Variants in MARCHF6 observed in about 807,000 individuals in gnomAD.
The protein encoded by MARCHF6 is membrane associated ring-CH-type finger 6.
MARCHF6 carries 31 observed loss-of-function variants against 133.7 expected under a neutral mutation model. The ratio of observed to expected loss-of-function variants is 0.23; its 90% CI spans 0.17 to 0.31. MARCHF6 has a LOEUF of 0.31. Ranked by LOEUF, MARCHF6 falls within the 10% of genes least tolerant of loss-of-function variation. The pLI is 1.00. For missense variants in MARCHF6, 723 were observed against 1,121.6 expected, an observed-to-expected ratio of 0.64 and a Z score of 5.08; for synonymous variants, 395 against 402.5, an observed-to-expected ratio of 0.98 and a Z score of 0.22.
At chr5:10,368,222 T>A (rs546960638) in intron 1 of MARCHF6, among the ~76,000 whole-genome samples, 1 of 152,338 alleles carries the variant, frequency 6.6e-6, no homozygotes, top group African/African-American at 2.4e-5. Context: ...TTTGTAATAG[T>A]CGTACTTGCT....
Position 10,437,846 on chromosome 5 carries a change from TGTA to T in MARCHF6, c.*4165_*4167del, listed in dbSNP as rs1740711368. On this transcript the variant is annotated 3_prime_UTR_variant, in exon 26 of 26. Transcript: ENST00000274140. ...AAAACTGAATAAAGTGAATGTTAAT[TGTA>T]GTCTAGTTTTTTTGTTTGTTTTTGT... 1 of 152,350 alleles carries T rather than the reference TGTA, an allele frequency of 6.6e-6. No homozygotes were observed. The highest frequency in any genetic ancestry group is 1.5e-5 in the Non-Finnish European group (1 of 68,030). The allele number at this position is 152,350 out of a possible 1,614,324, so 9.4% of individuals were successfully genotyped here. A position where few individuals can be genotyped will look rare whatever the true frequency, so the allele number is the denominator to read the frequency against.
At chr5:10,360,140 G>A (rs944016678) in intron 1 of MARCHF6, among the ~76,000 whole-genome samples, 2 of 108,736 alleles carry the variant, frequency 1.8e-5, no homozygotes, top group African/African-American at 6.6e-5. Context: ...TTGTATGTGT[G>A]TGTGTTTTTT....
rs906315465 is a variant in MARCHF6, at chr5:10,440,378, C to G, written c.*6694C>G. 3 of 152,118 alleles carry G rather than the reference C, an allele frequency of 2.0e-5. No homozygotes were observed. The highest frequency in any genetic ancestry group is 4.4e-5 in the Non-Finnish European group (3 of 68,028). 9.4% of individuals were successfully genotyped at this position (152,118 alleles called of 1,614,324 possible). On this transcript the variant is annotated 3_prime_UTR_variant, in exon 26 of 26. Transcript: ENST00000274140. The stretch of plus-strand genomic sequence containing the variant: ...GAATCATTTATCACAATAAAGGTGT[C>G]ATACTATGCAGATTGTTTGACAAGA...
In MARCHF6 at chr5:10,438,473, G is replaced by C. The variant is rs573766849; in HGVS notation, c.*4789G>C. On this transcript the variant is annotated 3_prime_UTR_variant, in exon 26 of 26. Coordinates refer to ENST00000274140, the MANE Select transcript of MARCHF6 (RefSeq NM_005885.4). ...GTGAAGCTGAAATTTTTCAGCAAAGGAAATTGCATGGTCAAGTTCAGAAAC... is the reference window on the plus strand; with the variant it reads ...GTGAAGCTGAAATTTTTCAGCAAAGCAAATTGCATGGTCAAGTTCAGAAAC... The C allele has an allele frequency of 1.4e-4, 21 of 152,192 alleles. No individual in the cohort carries two copies. Among genetic ancestry groups the C allele is most frequent in the African/African-American group, 5.1e-4 (21 of 41,528 alleles). The allele number at this position is 152,192 out of a possible 1,614,324, so 9.4% of individuals were successfully genotyped here.
At chr5:10,385,417 A>G (rs1737405979) in intron 4 of MARCHF6, among the ~76,000 whole-genome samples, 1 of 152,178 alleles carries the variant, frequency 6.6e-6, no homozygotes, top group African/African-American at 2.4e-5. Flanking sequence ...AATTTCAAAC[A>G]AAGGCAGGAA....
At chr5:10,417,186 G>C in intron 21 of MARCHF6, 84 bp from the exon 22 acceptor site, 1 of 1,477,572 alleles carries the variant, frequency 6.8e-7, no homozygotes, top group African/African-American at 1.4e-5. Context: ...GCTCTGTTAG[G>C]CATCAGTCTC....
chr5:10,394,057 C>G, intron 7 of MARCHF6, 25 bp from the exon 8 acceptor site: 1 of 1,387,934 alleles, frequency 7.2e-7, no homozygotes. Flanking sequence ...TTCAAGTAAT[C>G]TTTAAATTGC....
intron 18 of MARCHF6, 77 bp downstream of exon 18, chr5:10,410,353 T>TC (rs1739147965): frequency 1.3e-6 from 2 of 1,496,750 alleles, no homozygotes; most frequent in Non-Finnish European, 1.8e-6. Context: ...AAAAGTATGT[T>TC]CCATGGCCCA....
At position 10,411,491 on chromosome 5, in the gene MARCHF6, C is replaced by T; in HGVS notation, c.1850C>T (p.Pro617Leu). The stretch of plus-strand genomic sequence containing the variant: ...CAAGCCATACTCCAGCAGGGAGGGC[C>T]TGTTGGCTTTCAGCCTTACCGCCGA... ...AHQAILQQGG[P>L]VGFQPYRRPL... is the part of the protein sequence containing the mutation. The change falls in exon 19 of 26, where the codon CCT (proline) becomes CTT (leucine). Residue 617 changes from proline to leucine, a missense_variant. Around this residue, in one of 4 missense-constraint regions of MARCHF6, gnomAD observed 492 missense variants for 699.5 expected, o/e 0.70. Coordinates refer to ENST00000274140, the MANE Select transcript of MARCHF6 (RefSeq NM_005885.4). 2 of 1,614,226 alleles carry T rather than the reference C, an allele frequency of 1.2e-6. No individual in the cohort carries two copies. The highest frequency in any genetic ancestry group is 1.7e-6 in the Non-Finnish European group (2 of 1,180,042).
intron 1 of MARCHF6, among the ~76,000 whole-genome samples, chr5:10,371,224 G>A (rs564717446): frequency 1.2e-3 from 178 of 152,240 alleles, no homozygotes; most frequent in African/African-American, 3.9e-3. Context: ...CCTTAGATGT[G>A]TTATATTACC....
intron 24 of MARCHF6, among the ~76,000 whole-genome samples, chr5:10,428,088 A>G (rs1561152622): frequency 2.0e-5 from 3 of 151,896 alleles, no homozygotes; most frequent in Non-Finnish European, 4.4e-5. Flanking sequence ...TGCTCAACAC[A>G]GGTTTGTATA....
In MARCHF6 at chr5:10,405,575, C is replaced by T; in HGVS notation, c.1350C>T (p.Val450=). Reference sequence around the variant, plus strand: ...ATTTGCAGGTACTTCGACCTGGTGTCCTGTGGTTTCTAAGGAATTTGAATG... The same window carrying T: ...ATTTGCAGGTACTTCGACCTGGTGTTCTGTGGTTTCTAAGGAATTTGAATG... ...LLLREVLRPG[V]LWFLRNLNDP... The change falls in exon 16 of 26, where the codon GTC becomes GTT. Residue 450 remains valine (V), a synonymous_variant. Transcript: ENST00000274140. The T allele has an allele frequency of 6.2e-7, 1 of 1,603,512 alleles. No individual in the cohort carries two copies. The highest frequency in any genetic ancestry group is 8.5e-7 in the Non-Finnish European group (1 of 1,176,802).
At chr5:10,394,866 C>A (rs183092830) in intron 9 of MARCHF6, 81 bp downstream of exon 9, 2 of 812,178 alleles carry the variant, frequency 2.5e-6, no homozygotes, top group Admixed American at 2.6e-5. Flanking sequence ...GTGGCGTGAT[C>A]TTGGCTCACT....
Position 10,426,476 on chromosome 5 carries a change from C to A in MARCHF6, c.2460C>A (p.Ser820=), listed in dbSNP as rs776265969. ...AAPVISVLLL[S]LCVPYVIASG... is the part of the protein sequence containing the mutation. ...CCGTGATCTCTGTGCTGTTGCTTTC[C>A]CTGTGTGTACCTTATGTCATAGCTT... Residue 820 remains serine, a synonymous_variant, in exon 24 of 26, where the codon TCC becomes TCA. Coordinates refer to ENST00000274140, the MANE Select transcript of MARCHF6 (RefSeq NM_005885.4). 3 of 1,614,104 alleles carry A rather than the reference C, an allele frequency of 1.9e-6. No homozygotes were observed. In the South Asian group the frequency reaches 3.3e-5, roughly 18 times the overall value.
chr5:10,414,515 G>T lies in MARCHF6; in HGVS notation c.1966+13G>T. 6.2e-7 allele frequency: 1 copy of T among 1,601,026 alleles called. No homozygotes were observed. The highest frequency in any genetic ancestry group is 8.6e-7 in the Non-Finnish European group (1 of 1,168,680). ...CTTACTTTACCAGGTATGAGCTTGT[G>T]CTAGCCTTCAGCTAATAGCATCATT... On this transcript the variant is annotated intron_variant, in intron 20 of 25. Transcript: ENST00000274140.
At chr5:10,362,857 T>G (rs1735910979) in intron 1 of MARCHF6, among the ~76,000 whole-genome samples, 1 of 152,054 alleles carries the variant, frequency 6.6e-6, no homozygotes, top group Admixed American at 6.6e-5. Flanking sequence ...TCTGGTAGTG[T>G]AGGATAGAGT....
intron 22 of MARCHF6, among the ~76,000 whole-genome samples, chr5:10,419,950 T>C (rs555061318): frequency 6.6e-6 from 1 of 152,348 alleles, no homozygotes; most frequent in East Asian, 1.9e-4. Context: ...TTGACAGTTA[T>C]GGATGGAATC....
At chr5:10,354,071 G>A (rs1735280343) in intron 1 of MARCHF6, 154 bp downstream of exon 1, 2 of 663,870 alleles carry the variant, frequency 3.0e-6, no homozygotes, top group South Asian at 3.4e-5. Context: ...CCGGGGAGCG[G>A]AAGGTGACCC....
At chr5:10,391,011 G>A (rs1444353168) in intron 6 of MARCHF6, among the ~76,000 whole-genome samples, 2 of 152,320 alleles carry the variant, frequency 1.3e-5, no homozygotes, top group East Asian at 3.9e-4. Context: ...GTGTTATGAA[G>A]TGAGGTTGTG....
Sources: gnomAD v4.1 joint callset for allele counts (sites outside exome capture counted in the v4.1 genomes callset) on GRCh38, gnomAD v4.1.1 for gene constraint, gnomAD v4.1.1 regional missense constraint, MANE v1.5 for transcripts, NCBI Gene and HGNC (gene_info 2026-07-23, HGNC 2026-07-21) for gene names.